Variants in SECISBP2 observed in about 807,000 individuals in gnomAD.
The protein encoded by SECISBP2 is selenocysteine insertion sequence-binding protein 2.
A neutral mutation model predicts 98.2 loss-of-function variants in SECISBP2; 96 were observed. That is an observed-to-expected ratio of 0.98 (90% CI 0.83 to 1.16). The LOEUF (loss-of-function observed/expected upper bound fraction) is 1.16. Among genes scored for constraint, SECISBP2 ranks in the 50% most tolerant of loss-of-function variants. SECISBP2 has a pLI of 0.00. For synonymous variants in SECISBP2, 407 were observed against 370.2 expected, an observed-to-expected ratio of 1.10 and a Z score of -1.14; for missense variants, 1,046 against 1,022.9, an observed-to-expected ratio of 1.02 and a Z score of -0.31.
intron 10 of SECISBP2, among the ~76,000 whole-genome samples, chr9:89,344,392 GT>G (rs1244758908): frequency 6.6e-6 from 1 of 152,188 alleles, no homozygotes; most frequent in Non-Finnish European, 1.5e-5. Context: ...CAGTTCCTGT[GT>G]CCAAAATGGT....
intron 6 of SECISBP2, among the ~76,000 whole-genome samples, chr9:89,333,648 T>C (rs1324150935): frequency 6.6e-6 from 1 of 152,158 alleles, no homozygotes; most frequent in Non-Finnish European, 1.5e-5. Context: ...CGGTTTTAAC[T>C]CCATAGACAC....
intron 10 of SECISBP2, among the ~76,000 whole-genome samples, chr9:89,343,843 T>G (rs2131876403): frequency 6.6e-6 from 1 of 152,336 alleles, no homozygotes; most frequent in East Asian, 1.9e-4. Flanking sequence ...TTATATTCCT[T>G]TGGGTATATA....
intron 7 of SECISBP2, 74 bp downstream of exon 7, chr9:89,334,804 T>C: frequency 9.1e-7 from 1 of 1,098,758 alleles, no homozygotes; most frequent in Non-Finnish European, 1.4e-6. Context: ...GAGAAGTTAT[T>C]TATTAATGGG....
At chr9:89,325,805 TG>T (rs2131593920) in intron 3 of SECISBP2, 91 bp from the exon 4 acceptor site, 1 of 1,590,768 alleles carries the variant, frequency 6.3e-7, no homozygotes, top group East Asian at 2.2e-5. Context: ...TTTTAAAAAA[TG>T]ATTGAATTGT....
intron 7 of SECISBP2, among the ~76,000 whole-genome samples, chr9:89,336,430 G>A (rs573748092): frequency 1.4e-4 from 22 of 151,888 alleles, no homozygotes; most frequent in African/African-American, 5.3e-4. Flanking sequence ...CATTGTATAC[G>A]GATATATTAT....
the SECISBP2 span, among the ~76,000 whole-genome samples, chr9:89,366,290 ATTG>A: frequency 1.4e-4 from 22 of 152,164 alleles, no homozygotes; most frequent in Non-Finnish European, 2.8e-4. Context: ...TAAATTTGGG[ATTG>A]TTTAAATTTT....
chr9:89,346,798 G>A, intron 10 of SECISBP2, 84 bp from the exon 11 acceptor site: 1 of 1,546,948 alleles, frequency 6.5e-7, no homozygotes, highest in African/African-American at 1.4e-5. Context: ...ATACCCTGAG[G>A]CAGCCCCTGG....
At position 89,347,034 on chromosome 9, in the gene SECISBP2, A is replaced by G. The variant is rs139915131; in HGVS notation, c.1588A>G (p.Thr530Ala). 3.0e-5 allele frequency: 49 copies of G among 1,614,014 alleles called. No individual in the cohort carries two copies. Among genetic ancestry groups the G allele is most frequent in the Non-Finnish European group, 3.9e-5 (46 of 1,179,994 alleles). The change falls in exon 11 of 17, where the codon ACC becomes GCC. Residue 530 changes from threonine (T) to alanine (A), a missense_variant. Transcript: ENST00000375807. ...QREIPKAKKP[T>A]SLKKIILKER... ...GGAGATCCCCAAGGCCAAGAAGCCAACCTCACTGAAGAAGGTATGTGGGGT... is the reference window on the plus strand; with the variant it reads ...GGAGATCCCCAAGGCCAAGAAGCCAGCCTCACTGAAGAAGGTATGTGGGGT...
At chr9:89,355,783 A>T (rs929168009) in intron 14 of SECISBP2, among the ~76,000 whole-genome samples, 7 of 152,170 alleles carry the variant, frequency 4.6e-5, no homozygotes. Flanking sequence ...GTGGTCTAAG[A>T]TGGACAGGAT....
intron 4 of SECISBP2, among the ~76,000 whole-genome samples, chr9:89,327,897 G>A (rs977289892): frequency 4.0e-5 from 6 of 149,230 alleles, no homozygotes; most frequent in African/African-American, 1.5e-4. Flanking sequence ...TGCAACCTCT[G>A]CCTCCCAAGT....
At chr9:89,354,815 A>C in intron 14 of SECISBP2, 1 of 985,454 alleles carries the variant, frequency 1.0e-6, no homozygotes, top group African/African-American at 1.7e-5. Context: ...GGTGGACACC[A>C]GGCAGAGACC....
At chr9:89,352,434 G>C (rs1267336849) in intron 14 of SECISBP2, among the ~76,000 whole-genome samples, 2 of 152,208 alleles carry the variant, frequency 1.3e-5, no homozygotes. Context: ...AAGGATTCAT[G>C]GGAGGCATAT....
At position 89,336,098 on chromosome 9, in the gene SECISBP2, T is replaced by TTTTTTC. The variant is rs1452432465; in HGVS notation, c.1089+1373_1089+1374insCTTTTT. On this transcript the variant is annotated intron_variant, in intron 7 of 16. Coordinates refer to ENST00000375807, the MANE Select transcript of SECISBP2 (RefSeq NM_024077.5). Reference sequence around the variant, plus strand: ...TTTAAGTGCTTTTTTTTTTTTTTTTTTTTTTTTTTTCACTGCAGCTTTGAT... The same window carrying TTTTTTC: ...TTTAAGTGCTTTTTTTTTTTTTTTTTTTTTTCTTTTTTTTTTCACTGCAGCTTTGAT... Among the ~76,000 whole-genome samples the TTTTTTC allele has an allele frequency of 8.8e-3, 1,218 of 138,636 alleles. 44 individuals carry two copies. Among genetic ancestry groups the TTTTTTC allele is most frequent in the Non-Finnish European group, 0.015 (941 of 63,538 alleles). The allele number at this position is 138,636 out of a possible 152,430, so 91.0% of individuals were successfully genotyped here.
intron 7 of SECISBP2, among the ~76,000 whole-genome samples, chr9:89,335,526 C>T (rs1337890177): frequency 6.6e-6 from 1 of 151,956 alleles, no homozygotes; most frequent in Non-Finnish European, 1.5e-5. Flanking sequence ...AGAGATGGGG[C>T]TTCACCATAT....
chr9:89,346,834 G>A, intron 10 of SECISBP2, 48 bp from the exon 11 acceptor site: 1 of 1,610,848 alleles, frequency 6.2e-7, no homozygotes, highest in Non-Finnish European at 8.5e-7. Flanking sequence ...AGAGCTGGGT[G>A]GGGCATCTGG....
chr9:89,326,937 C>T (rs1312041477), intron 4 of SECISBP2, among the ~76,000 whole-genome samples: 6 of 152,084 alleles, frequency 3.9e-5, no homozygotes, highest in African/African-American at 9.7e-5. Context: ...CCGAGACGGG[C>T]GGATCACGAG....
At chr9:89,336,156 C>T (rs1185184292) in intron 7 of SECISBP2, among the ~76,000 whole-genome samples, 4 of 135,836 alleles carry the variant, frequency 2.9e-5, no homozygotes, top group Non-Finnish European at 4.6e-5. Flanking sequence ...CCACCTCAGC[C>T]TTTCTAGCAA....
At chr9:89,363,381 C>T (rs573820213), downstream of SECISBP2, 3 of 1,599,112 alleles carry the variant, frequency 1.9e-6, no homozygotes, top group South Asian at 3.3e-5. Flanking sequence ...GGCAGGTGCC[C>T]TGCCCCTGGC....
In SECISBP2 at chr9:89,349,757, G is replaced by A. The variant is rs958256023; in HGVS notation, c.1739-19G>A. 1 of 1,614,144 alleles carries A rather than the reference G, an allele frequency of 6.2e-7. No individual in the cohort carries two copies. The highest frequency in any genetic ancestry group is 8.5e-7 in the Non-Finnish European group (1 of 1,179,998). On this transcript the variant is annotated intron_variant, in intron 12 of 16. Transcript: ENST00000375807. Reference sequence around the variant, plus strand: ...CTGGGCCTCACAGATATCTGATGATGCCTTTTTCCTCCATGAAGGGCCAGA... The same window carrying A: ...CTGGGCCTCACAGATATCTGATGATACCTTTTTCCTCCATGAAGGGCCAGA...
Sources: allele counts gnomAD v4.1 joint callset (sites outside exome capture counted in the v4.1 genomes callset), GRCh38; gene constraint gnomAD v4.1.1; transcripts MANE v1.5; gene names NCBI Gene and HGNC (gene_info 2026-07-23, HGNC 2026-07-21).